Variants in TENM2 observed in about 807,000 individuals in gnomAD.
The protein encoded by TENM2 is teneurin-2.
A neutral mutation model predicts 245.2 loss-of-function variants in TENM2; 52 were observed. The ratio of observed to expected loss-of-function variants is 0.21; its 90% CI spans 0.17 to 0.27. The LOEUF (loss-of-function observed/expected upper bound fraction) is 0.27. Ranked by LOEUF, TENM2 falls within the 10% of genes least tolerant of loss-of-function variation. The pLI is 1.00. For synonymous variants in TENM2, 1,363 were observed against 1,438.9 expected (o/e 0.95, Z 1.19); for missense variants, 3,046 against 3,666.8 (o/e 0.83, Z 4.37).
chr5:167,455,195 T>C (rs1765840836), intron 2 of TENM2, among the ~76,000 whole-genome samples: 1 of 152,194 alleles, frequency 6.6e-6, no homozygotes, highest in Non-Finnish European at 1.5e-5. Context: ...GCAGGAGGAA[T>C]TCCTTCTTAT....
chr5:167,606,341 CT>C (rs993771175), intron 2 of TENM2, among the ~76,000 whole-genome samples: 1 of 151,876 alleles, frequency 6.6e-6, no homozygotes, highest in African/African-American at 2.4e-5. Flanking sequence ...TTTTGATGCC[CT>C]TGATTCTCAA....
At chr5:167,300,079 C>T (rs992106286) in intron 1 of TENM2, among the ~76,000 whole-genome samples, 4 of 152,138 alleles carry the variant, frequency 2.6e-5, no homozygotes, top group African/African-American at 7.2e-5. Context: ...CTATCGGGTG[C>T]GGTCCTGGCT....
intron 5 of TENM2, among the ~76,000 whole-genome samples, chr5:168,030,702 T>C (rs1787067479): frequency 1.3e-5 from 2 of 152,192 alleles, no homozygotes; most frequent in East Asian, 3.9e-4. Flanking sequence ...AAATGCTTGT[T>C]AATGGAGCTC....
intron 2 of TENM2, among the ~76,000 whole-genome samples, chr5:167,649,858 G>T (rs987526261): frequency 4.6e-5 from 7 of 152,138 alleles, no homozygotes. Flanking sequence ...GTACTGCTCA[G>T]TATTTCAAAG....
At chr5:167,495,667 G>C (rs1239879600) in intron 2 of TENM2, among the ~76,000 whole-genome samples, 1 of 151,984 alleles carries the variant, frequency 6.6e-6, no homozygotes, top group Non-Finnish European at 1.5e-5. Context: ...CTCTTGTGTG[G>C]ATTTTTTTAG....
chr5:167,700,418 A>G (rs1758060842), intron 2 of TENM2, among the ~76,000 whole-genome samples: 1 of 152,202 alleles, frequency 6.6e-6, no homozygotes, highest in African/African-American at 2.4e-5. Flanking sequence ...CAGGTTGTAC[A>G]CTGCAGAACT....
At chr5:167,951,807 C>T (rs1780123127) in intron 3 of TENM2, among the ~76,000 whole-genome samples, 1 of 152,122 alleles carries the variant, frequency 6.6e-6, no homozygotes, top group Non-Finnish European at 1.5e-5. Context: ...GTGTATATTA[C>T]ACATATACAC....
intron 3 of TENM2, among the ~76,000 whole-genome samples, chr5:167,931,829 A>T (rs969773193): frequency 3.3e-5 from 5 of 152,164 alleles, no homozygotes; most frequent in Non-Finnish European, 7.4e-5. Context: ...CTTATCGCAG[A>T]TTAATAGCTG....
At chr5:167,033,687 G>A in the TENM2 span, among the ~76,000 whole-genome samples, 1 of 151,924 alleles carries the variant, frequency 6.6e-6, no homozygotes, top group African/African-American at 2.4e-5. Context: ...TGTTCCTAAT[G>A]CTGAAGAGAG....
At chr5:167,371,338 T>TTTG (rs1554140821) in intron 1 of TENM2, among the ~76,000 whole-genome samples, 3 of 150,102 alleles carry the variant, frequency 2.0e-5, no homozygotes, top group East Asian at 3.9e-4. Context: ...CTCCCTGTTT[T>TTTG]TTTTTTTTTT....
chr5:168,168,266 T>G (rs942695757), intron 13 of TENM2, among the ~76,000 whole-genome samples: 1 of 152,182 alleles, frequency 6.6e-6, no homozygotes, highest in Admixed American at 6.5e-5. Context: ...GTTCCCTGGG[T>G]GGGCTCACCC....
intron 12 of TENM2, among the ~76,000 whole-genome samples, chr5:168,143,910 C>T (rs1434501604): frequency 1.5e-5 from 2 of 133,900 alleles, no homozygotes; most frequent in Non-Finnish European, 1.5e-5. Flanking sequence ...AGAGCAGTGG[C>T]GCGATCTCGG....
chr5:167,019,578 C>A, the TENM2 span, among the ~76,000 whole-genome samples: 2 of 152,038 alleles, frequency 1.3e-5, no homozygotes, highest in Non-Finnish European at 2.9e-5. Context: ...TCAAGCAATT[C>A]TCCTGCCTCA....
intron 2 of TENM2, among the ~76,000 whole-genome samples, chr5:167,578,546 A>T (rs886675220): frequency 6.6e-6 from 1 of 152,172 alleles, no homozygotes; most frequent in South Asian, 2.1e-4. Context: ...TTCGTTGGAG[A>T]TCAGACCCGT....
intron 5 of TENM2, among the ~76,000 whole-genome samples, chr5:168,025,855 A>G (rs1421436329): frequency 6.6e-6 from 1 of 152,214 alleles, no homozygotes; most frequent in East Asian, 1.9e-4. Context: ...ATGGCTAGCA[A>G]TAAAGGCTTC....
At chr5:167,171,440 G>A in the TENM2 span, among the ~76,000 whole-genome samples, 2 of 152,136 alleles carry the variant, frequency 1.3e-5, no homozygotes, top group African/African-American at 4.8e-5. Flanking sequence ...GAAACAGAGG[G>A]CACATTGTAA....
chr5:167,829,530 A>G lies in TENM2; in HGVS notation c.503-46456A>G, dbSNP rs1768283782. Among the ~76,000 whole-genome samples, 4 of 152,246 alleles carry G rather than the reference A, an allele frequency of 2.6e-5. No homozygotes were observed. The South Asian group carries it at 8.3e-4, about 32-fold the overall frequency. On this transcript the variant is annotated intron_variant, in intron 2 of 28. Transcript: ENST00000518659. ...TTCGTGGATCTCTAGAGGCCCATGA[A>G]TTCCAGTTTAAGAAGCCCTGGTAGC...
At chr5:167,328,671 T>C (rs958751359) in intron 1 of TENM2, among the ~76,000 whole-genome samples, 2 of 152,200 alleles carry the variant, frequency 1.3e-5, no homozygotes, top group African/African-American at 4.8e-5. Context: ...TCCCTAGCTG[T>C]TCCCTCTAGC....
At chr5:167,477,236 A>G in intron 2 of TENM2, among the ~76,000 whole-genome samples, 1 of 147,548 alleles carries the variant, frequency 6.8e-6, no homozygotes, top group South Asian at 2.2e-4. Context: ...TGAAACTAGA[A>G]TTTTTTTTTT....
Sources: allele counts gnomAD v4.1 joint callset (sites outside exome capture counted in the v4.1 genomes callset), GRCh38; gene constraint gnomAD v4.1.1; transcripts MANE v1.5; gene names NCBI Gene and HGNC (gene_info 2026-07-23, HGNC 2026-07-21).